Variants in KCND2 observed in about 807,000 individuals in gnomAD.
The protein encoded by KCND2 is A-type voltage-gated potassium channel KCND2.
KCND2 carries 16 observed loss-of-function variants against 54.4 expected under a neutral mutation model. That is an observed-to-expected ratio of 0.29 (90% CI 0.20 to 0.45). The LOEUF is 0.45. Among genes scored for constraint, KCND2 ranks in the 20% least tolerant of loss-of-function variants. The probability of loss-of-function intolerance (pLI) is 1.00; values close to 1 mark genes in which losing one functional copy is unlikely to be tolerated. For synonymous variants in KCND2, 317 were observed against 310.7 expected (o/e 1.02, Z -0.21); for missense variants, 486 against 824.2 (o/e 0.59, Z 5.02).
chr7:120,579,095 GTTAT>G (rs1792479193), intron 1 of KCND2, among the ~76,000 whole-genome samples: 1 of 151,938 alleles, frequency 6.6e-6, no homozygotes, highest in Non-Finnish European at 1.5e-5. Flanking sequence ...TGTTTCTAAT[GTTAT>G]TTAAGTTAAA....
chr7:120,670,814 G>A (rs6976888), intron 1 of KCND2, among the ~76,000 whole-genome samples: 5,173 of 151,686 alleles, frequency 0.034, 207 homozygotes, highest in African/African-American at 0.1. Flanking sequence ...TACTCGAGAG[G>A]CTGAGCCAGG....
At position 120,719,769 on chromosome 7, in the gene KCND2, T is replaced by C. The variant is rs138988646; in HGVS notation, c.1116-13134T>C. Among the ~76,000 whole-genome samples, 545 of 152,336 alleles carry C rather than the reference T, an allele frequency of 3.6e-3. 3 individuals are homozygous for C. Among genetic ancestry groups the C allele is most frequent in the African/African-American group, 0.012 (514 of 41,592 alleles). ...TTGAACCCGGAATAGTATTCATTTTTAAAGGCAACTTGGTTTTACATTTAT... is the reference window on the plus strand; with the variant it reads ...TTGAACCCGGAATAGTATTCATTTTCAAAGGCAACTTGGTTTTACATTTAT... On this transcript the variant is annotated intron_variant, in intron 1 of 5. Transcript: ENST00000331113.
At chr7:120,336,063 T>C (rs951574723) in intron 1 of KCND2, among the ~76,000 whole-genome samples, 4 of 152,196 alleles carry the variant, frequency 2.6e-5, no homozygotes, top group African/African-American at 9.6e-5. Context: ...CTAACCATTA[T>C]TTTTTAAGGT....
intron 1 of KCND2, among the ~76,000 whole-genome samples, chr7:120,546,980 C>G (rs1792049563): frequency 6.6e-6 from 1 of 150,902 alleles, no homozygotes; most frequent in Non-Finnish European, 1.5e-5. Context: ...CTCACTATGC[C>G]CATGAGATCT....
At chr7:120,349,018 T>C (rs1309382133) in intron 1 of KCND2, among the ~76,000 whole-genome samples, 36 of 152,156 alleles carry the variant, frequency 2.4e-4, no homozygotes, top group Admixed American at 2.4e-3. Flanking sequence ...TATCTATCTG[T>C]GGTATAGCTT....
intron 1 of KCND2, among the ~76,000 whole-genome samples, chr7:120,432,291 T>G (rs923166651): frequency 6.6e-6 from 1 of 152,214 alleles, no homozygotes; most frequent in Non-Finnish European, 1.5e-5. Context: ...ACCTTGTGTT[T>G]TCAGGTGTGT....
Position 120,273,539 on chromosome 7 carries a change from T to G in KCND2, c.-1094T>G, listed in dbSNP as rs1301605534. 6.5e-6 allele frequency: 1 copy of G among 153,228 alleles called. No individual in the cohort carries two copies. The highest frequency in any genetic ancestry group is 2.4e-5 in the African/African-American group (1 of 41,428). 9.5% of individuals were successfully genotyped at this position (153,228 alleles called of 1,614,324 possible). On this transcript the variant is annotated 5_prime_UTR_variant, in exon 1 of 6. Coordinates refer to ENST00000331113, the MANE Select transcript of KCND2 (RefSeq NM_012281.3). Reference sequence around the variant, plus strand: ...GCCTCCCCCGCACCTTTTGAACTTGTTGCTGCTGCTCTGCTCGCCTGCGCC... The same window carrying G: ...GCCTCCCCCGCACCTTTTGAACTTGGTGCTGCTGCTCTGCTCGCCTGCGCC...
intron 1 of KCND2, among the ~76,000 whole-genome samples, chr7:120,341,372 A>G (rs1372892950): frequency 1.3e-5 from 2 of 152,192 alleles, no homozygotes; most frequent in African/African-American, 4.8e-5. Flanking sequence ...TTCTCTGTGC[A>G]TCTTTAATTG....
intron 1 of KCND2, among the ~76,000 whole-genome samples, chr7:120,514,667 G>A (rs932407373): frequency 1.3e-5 from 2 of 151,922 alleles, no homozygotes; most frequent in African/African-American, 2.4e-5. Flanking sequence ...TTGGCACTAG[G>A]GACTGGTTTT....
At chr7:120,584,854 AAAG>A (rs1228314810) in intron 1 of KCND2, among the ~76,000 whole-genome samples, 1 of 152,264 alleles carries the variant, frequency 6.6e-6, no homozygotes, top group Non-Finnish European at 1.5e-5. Context: ...TGGGTTTGTA[AAAG>A]AAGAATACCT....
chr7:120,281,293 T>G (rs1343519067), intron 1 of KCND2, among the ~76,000 whole-genome samples: 1 of 152,148 alleles, frequency 6.6e-6, no homozygotes, highest in African/African-American at 2.4e-5. Context: ...ATATGTCTTA[T>G]ATTGTTTTCT....
intron 1 of KCND2, among the ~76,000 whole-genome samples, chr7:120,642,781 T>A (rs1306714700): frequency 6.6e-6 from 1 of 152,158 alleles, no homozygotes; most frequent in Non-Finnish European, 1.5e-5. Context: ...ACTATTTCTT[T>A]ATGAAGTAGA....
In KCND2 at chr7:120,464,159, G is replaced by A. The variant is rs984564472; in HGVS notation, c.1115+188412G>A. On this transcript the variant is annotated intron_variant, in intron 1 of 5. Transcript: ENST00000331113. ...ACTGCTATATCAAATTGTATTGTCA[G>A]GGTTTTTGCCTCTCGGTGAGTCTGT... 4.9e-6 allele frequency: 4 copies of A among 824,378 alleles called. No homozygotes were observed. In the East Asian group the frequency reaches 5.0e-4, roughly 104 times the overall value. 51.1% of individuals were successfully genotyped at this position (824,378 alleles called of 1,614,324 possible).
rs5886994 is a variant in KCND2, at chr7:120,604,339, T to TA, written c.1116-128545dup. On this transcript the variant is annotated intron_variant, in intron 1 of 5. Transcript: ENST00000331113. ...CAACATGGCAAAACCCCGTCTTTAC[T>TA]AAAAAAAAAAAAAAAAAAAGGAAGT... is the stretch of plus-strand genomic sequence containing the variant. Among the ~76,000 whole-genome samples the TA allele has an allele frequency of 2.1e-3, 254 of 123,350 alleles. 1 individual carries two copies. The highest frequency in any genetic ancestry group is 5.8e-3 in the African/African-American group (184 of 31,718). The allele number at this position is 123,350 out of a possible 152,430, so 80.9% of individuals were successfully genotyped here. A position where few individuals can be genotyped will look rare whatever the true frequency, so the allele number is the denominator to read the frequency against.
intron 1 of KCND2, among the ~76,000 whole-genome samples, chr7:120,375,747 C>G (rs1366215035): frequency 6.6e-6 from 1 of 151,746 alleles, no homozygotes; most frequent in Admixed American, 6.6e-5. Flanking sequence ...TGAATTAAAT[C>G]TATTTGCGTG....
rs147869335 is a variant in KCND2 at position 120,282,368 on chromosome 7, G to A, written c.1115+6621G>A. Among the ~76,000 whole-genome samples the A allele has an allele frequency of 7.1e-3, 1,083 of 152,212 alleles. 12 individuals carry two copies. Among genetic ancestry groups the A allele is most frequent in the African/African-American group, 0.025 (1,041 of 41,538 alleles). ...AATATTGTCTGTAAATGACATAGGA[G>A]ATAGATGCAATTTCTGTCAGGAAAA... On this transcript the variant is annotated intron_variant, in intron 1 of 5. Transcript: ENST00000331113.
At chr7:120,308,927 G>A (rs975073409) in intron 1 of KCND2, among the ~76,000 whole-genome samples, 1 of 152,060 alleles carries the variant, frequency 6.6e-6, no homozygotes, top group African/African-American at 2.4e-5. Flanking sequence ...ATTTTGAACT[G>A]TACAAACCTA....
intron 1 of KCND2, among the ~76,000 whole-genome samples, chr7:120,469,546 T>G (rs1287669085): frequency 1.3e-5 from 2 of 152,120 alleles, no homozygotes; most frequent in East Asian, 3.8e-4. Flanking sequence ...CAATGCTCTG[T>G]TTCAGTAGCA....
At position 120,273,823 on chromosome 7, in the gene KCND2, G is replaced by T. The variant is rs1270973654; in HGVS notation, c.-810G>T. The T allele has an allele frequency of 6.5e-6, 1 of 152,886 alleles. No individual in the cohort carries two copies. The highest frequency in any genetic ancestry group is 1.5e-5 in the Non-Finnish European group (1 of 68,258). The allele number at this position is 152,886 out of a possible 1,614,324, so 9.5% of individuals were successfully genotyped here. A position where few individuals can be genotyped will look rare whatever the true frequency, so the allele number is the denominator to read the frequency against. On this transcript the variant is annotated 5_prime_UTR_variant, in exon 1 of 6. Coordinates refer to ENST00000331113, the MANE Select transcript of KCND2 (RefSeq NM_012281.3). ...AAGCAGATGCTGCTGCCGCCACGGC[G>T]GCGGCGGCTGCCAGCTCCTGAGCTC... is the stretch of plus-strand genomic sequence containing the variant.
Sources: gnomAD v4.1 joint callset for allele counts (sites outside exome capture counted in the v4.1 genomes callset) on GRCh38, gnomAD v4.1.1 for gene constraint, MANE v1.5 for transcripts, NCBI Gene and HGNC (gene_info 2026-07-23, HGNC 2026-07-21) for gene names.